ZNF718: variants seen among roughly 807,000 people sequenced by gnomAD.
ZNF718 encodes the protein zinc finger protein 718.
Under a neutral mutation model 2.6 loss-of-function variants are expected in ZNF718, and 3 were observed. That is an observed-to-expected ratio of 1.16 (90% CI 0.53 to 3.01). The LOEUF (loss-of-function observed/expected upper bound fraction) is 3.01. ZNF718 is among the 30% of genes most tolerant of loss of function. The pLI is 0.03. For synonymous variants in ZNF718, 135 were observed against 77.9 expected (o/e 1.73, Z -3.86); for missense variants, 468 against 230.0 (o/e 2.03, Z -6.69).
chr4:132,517 A>T lies in ZNF718; in HGVS notation c.226+1012A>T, dbSNP rs1441133815. 7.8e-5 allele frequency among the ~76,000 whole-genome samples: 8 copies of T among 102,736 alleles called. 1 individual carries two copies. Among genetic ancestry groups the T allele is most frequent in the Non-Finnish European group, 6.5e-5 (3 of 46,352 alleles). 67.4% of individuals were successfully genotyped at this position (102,736 alleles called of 152,430 possible). On this transcript the variant is annotated intron_variant, in intron 3 of 3. Transcript: ENST00000510175. ...TCTTTTTTTCAAATATTGTCTTTGC[A>T]TCATGTCTAAAATGTGTACGGTGAC...
intron 3 of ZNF718, among the ~76,000 whole-genome samples, chr4:170,000 C>G (rs1581472235): frequency 6.6e-6 from 1 of 152,138 alleles, no homozygotes. Flanking sequence ...TATTCCTTTC[C>G]ATTTTTAGTG....
chr4:175,090 A>G (rs373774393), intron 3 of ZNF718, among the ~76,000 whole-genome samples: 1 of 152,184 alleles, frequency 6.6e-6, no homozygotes, highest in African/African-American at 2.4e-5. Flanking sequence ...TCTACTTGCA[A>G]ACTTAACATT....
intron 1 of ZNF718, among the ~76,000 whole-genome samples, chr4:126,262 G>T (rs1715215700): frequency 6.6e-6 from 1 of 152,288 alleles, no homozygotes; most frequent in African/African-American, 2.4e-5. Context: ...ATTAGAAGAG[G>T]CTTAATGATT....
At chr4:149,119 A>G (rs1451606214) in intron 3 of ZNF718, among the ~76,000 whole-genome samples, 2 of 152,114 alleles carry the variant, frequency 1.3e-5, no homozygotes, top group African/African-American at 4.8e-5. Flanking sequence ...CCATCTTGCT[A>G]TGTCACTCCC....
At chr4:178,011 C>T (rs1345194445) in intron 3 of ZNF718, among the ~76,000 whole-genome samples, 1 of 152,098 alleles carries the variant, frequency 6.6e-6, no homozygotes, top group South Asian at 2.1e-4. Context: ...CTGAAACACC[C>T]CTTAAGACAC....
chr4:126,027 G>T (rs1715196283), intron 1 of ZNF718, among the ~76,000 whole-genome samples: 1 of 152,194 alleles, frequency 6.6e-6, no homozygotes, highest in Non-Finnish European at 1.5e-5. Context: ...AGCCCTGCCT[G>T]GGCCTGTACC....
At chr4:154,647 T>C (rs2108798267) in intron 3 of ZNF718, among the ~76,000 whole-genome samples, 1 of 152,334 alleles carries the variant, frequency 6.6e-6, no homozygotes, top group South Asian at 2.1e-4. Context: ...AAGAAATTCC[T>C]AACCCATAAA....
rs781993174 is a variant in ZNF718 at position 161,401 on chromosome 4, C to CCTCA, written c.718_721dup (p.His241LeufsTer5). 1.3e-6 allele frequency: 1 copy of CCTCA among 780,006 alleles called. No homozygotes were observed. Among genetic ancestry groups the CCTCA allele is most frequent in the Non-Finnish European group, 2.4e-6 (1 of 417,590 alleles). 48.3% of individuals were successfully genotyped at this position (780,006 alleles called of 1,614,324 possible). On this transcript the variant is annotated frameshift_variant, in exon 4 of 4. Transcript: ENST00000510175. LOFTEE classifies it low-confidence loss of function (END_TRUNC). ...GAATGTGGTAAAGGCTTTACTCGGT[C>CCTCA]CTCACACCTTACTAAACATAAGAGA... is the stretch of plus-strand genomic sequence containing the variant.
chr4:134,209 C>T (rs575138774), intron 3 of ZNF718, among the ~76,000 whole-genome samples: 2 of 152,234 alleles, frequency 1.3e-5, no homozygotes, highest in South Asian at 2.1e-4. Context: ...TGCAGTGGCG[C>T]GATATCTACT....
chr4:156,169 T>C (rs782274565), intron 3 of ZNF718, among the ~76,000 whole-genome samples: 8 of 152,172 alleles, frequency 5.3e-5, no homozygotes, highest in Admixed American at 1.3e-4. Context: ...ATCAGCAGTA[T>C]GAAAATGGAC....
intron 3 of ZNF718, among the ~76,000 whole-genome samples, chr4:147,152 G>A (rs1553811545): frequency 1.3e-5 from 2 of 152,162 alleles, no homozygotes; most frequent in South Asian, 2.1e-4. Flanking sequence ...TGTATTTTTA[G>A]TAGAAAGAGG....
chr4:135,345 C>G (rs1553809112), intron 3 of ZNF718, among the ~76,000 whole-genome samples: 1 of 151,722 alleles, frequency 6.6e-6, no homozygotes. Flanking sequence ...TTGGGCACAG[C>G]TTGGTTTTAT....
intron 3 of ZNF718, among the ~76,000 whole-genome samples, chr4:174,103 C>T (rs1717300562): frequency 6.6e-6 from 1 of 152,128 alleles, no homozygotes; most frequent in Non-Finnish European, 1.5e-5. Flanking sequence ...CCTCTACATT[C>T]CTTTGTATCT....
Position 124,605 on chromosome 4 carries a change from G to A in ZNF718, c.-66G>A. 1 of 1,598,984 alleles carries A rather than the reference G, an allele frequency of 6.3e-7. No individual in the cohort carries two copies. Among genetic ancestry groups the A allele is most frequent in the South Asian group, 1.1e-5 (1 of 91,032 alleles). ...TTCTGCCACAGCCTCAGCCTCTGTG[G>A]CTCTGTGACCTGCCGGTATTGGATG... is the stretch of plus-strand genomic sequence containing the variant. On this transcript the variant is annotated 5_prime_UTR_variant, in exon 1 of 4. Coordinates refer to ENST00000510175, the MANE Select transcript of ZNF718 (RefSeq NM_001039127.6).
intron 3 of ZNF718, among the ~76,000 whole-genome samples, chr4:172,340 C>T (rs978057411): frequency 6.6e-6 from 1 of 152,098 alleles, no homozygotes. Flanking sequence ...TGTGTAAACA[C>T]ATTTTTAAAA....
At position 161,788 on chromosome 4, in the gene ZNF718, C is replaced by T. The variant is rs782196892; in HGVS notation, c.1103C>T (p.Thr368Ile). The change falls in exon 4 of 4, where the codon ACA becomes ATA. Residue 368 changes from threonine (T) to isoleucine (I), a missense_variant. Transcript: ENST00000510175. ...KRIHTGEKPY[T>I]CEECGKAFNW... is the part of the protein sequence containing the mutation. Reference sequence around the variant, plus strand: ...ATCCATACTGGAGAGAAACCCTACACATGTGAAGAATGTGGAAAAGCCTTT... The same window carrying T: ...ATCCATACTGGAGAGAAACCCTACATATGTGAAGAATGTGGAAAAGCCTTT... 2 of 780,396 alleles carry T rather than the reference C, an allele frequency of 2.6e-6. No homozygotes were observed. Among genetic ancestry groups the T allele is most frequent in the South Asian group, 1.3e-5 (1 of 74,576 alleles). The allele number at this position is 780,396 out of a possible 1,614,324, so 48.3% of individuals were successfully genotyped here. A position where few individuals can be genotyped will look rare whatever the true frequency, so the allele number is the denominator to read the frequency against.
chr4:124,650 G>T lies in ZNF718; in HGVS notation c.-21G>T, dbSNP rs782632669. The T allele has an allele frequency of 6.2e-7, 1 of 1,607,988 alleles. No homozygotes were observed. Among genetic ancestry groups the T allele is most frequent in the Non-Finnish European group, 8.5e-7 (1 of 1,179,674 alleles). ...TGGATGATTCGTATCTAAGACTCTG[G>T]GACACTCCTGAAGTCGGGAAATGGT... On this transcript the variant is annotated 5_prime_UTR_variant, in exon 1 of 4. Transcript: ENST00000510175.
At chr4:135,874 C>T (rs1449930160) in intron 3 of ZNF718, among the ~76,000 whole-genome samples, 1 of 151,882 alleles carries the variant, frequency 6.6e-6, no homozygotes, top group African/African-American at 2.4e-5. Flanking sequence ...GAAGCTGTGG[C>T]CCTGGAGGCA....
chr4:164,990 C>T (rs988031756), downstream of ZNF718, among the ~76,000 whole-genome samples: 2 of 152,130 alleles, frequency 1.3e-5, no homozygotes, highest in Non-Finnish European at 2.9e-5. Context: ...GTTAAGAGGA[C>T]ATCTGTTCCC....
Sources: gnomAD v4.1 joint callset for allele counts (sites outside exome capture counted in the v4.1 genomes callset) on GRCh38, gnomAD v4.1.1 for gene constraint, MANE v1.5 for transcripts, NCBI Gene and HGNC (gene_info 2026-07-23, HGNC 2026-07-21) for gene names.